The following UBAC2 variants were observed in gnomAD, a reference collection of about 807,000 sequenced individuals.
UBAC2 encodes ubiquitin-associated domain-containing protein 2.
UBAC2 carries 26 observed loss-of-function variants against 44.0 expected under a neutral mutation model. The ratio of observed to expected loss-of-function variants is 0.59; its 90% CI spans 0.43 to 0.82. The LOEUF is 0.82. UBAC2 is among the 40% of genes least tolerant of loss of function. UBAC2 has a pLI of 0.00. For synonymous variants in UBAC2, 155 were observed against 154.3 expected (o/e 1.00, Z -0.04); for missense variants, 329 against 419.4 (o/e 0.78, Z 1.88).
In UBAC2 at chr13:99,242,685, ACCC is replaced by A. The variant is rs58095792; in HGVS notation, c.160-1141_160-1139del. 1.5e-4 allele frequency among the ~76,000 whole-genome samples: 13 copies of A among 87,778 alleles called. 3 individuals are homozygous for A. Among genetic ancestry groups the A allele is most frequent in the East Asian group, 7.8e-4 (2 of 2,554 alleles). 57.6% of individuals were successfully genotyped at this position (87,778 alleles called of 152,430 possible). ...GGGCGGCTGGCCGGGCGGGGGGCTG[ACCC>A]CCCCCACCTCCCTCCCCGACGGGGC... is the stretch of plus-strand genomic sequence containing the variant. On this transcript the variant is annotated intron_variant, in intron 2 of 8. Coordinates refer to ENST00000403766, the MANE Select transcript of UBAC2 (RefSeq NM_001144072.2).
chr13:99,311,350 T>C (rs1197221887), intron 4 of UBAC2, among the ~76,000 whole-genome samples: 2 of 152,124 alleles, frequency 1.3e-5, no homozygotes, highest in Admixed American at 6.5e-5. Flanking sequence ...GAAGGTGCTG[T>C]CCTGCGGAGC....
At chr13:99,352,089 C>T in intron 7 of UBAC2, among the ~76,000 whole-genome samples, 1 of 152,130 alleles carries the variant, frequency 6.6e-6, no homozygotes, top group Non-Finnish European at 1.5e-5. Context: ...GGCAGATCTG[C>T]CCTGTCAATC....
chr13:99,256,000 T>A, intron 4 of UBAC2: 1 of 829,684 alleles, frequency 1.2e-6, no homozygotes, highest in Non-Finnish European at 1.9e-6. Context: ...CAGTGAATTT[T>A]AAGTTCGAGA....
chr13:99,326,478 T>A (rs962152392), intron 6 of UBAC2, among the ~76,000 whole-genome samples: 7 of 152,238 alleles, frequency 4.6e-5, no homozygotes, highest in African/African-American at 1.7e-4. Context: ...CCTAGCACAA[T>A]GTCTACTTGA....
chr13:99,263,179 G>T (rs907985838), intron 4 of UBAC2, among the ~76,000 whole-genome samples: 1 of 152,146 alleles, frequency 6.6e-6, no homozygotes, highest in Non-Finnish European at 1.5e-5. Context: ...CATCATAAAT[G>T]GTAATTTGAC....
intron 4 of UBAC2, among the ~76,000 whole-genome samples, chr13:99,269,032 A>G (rs2043783049): frequency 3.3e-5 from 5 of 152,178 alleles, no homozygotes; most frequent in Admixed American, 1.3e-4. Context: ...GCTACGGGAT[A>G]TAGCTTTGGG....
At chr13:99,342,933 T>TTA (rs2044914444) in intron 7 of UBAC2, among the ~76,000 whole-genome samples, 3 of 152,238 alleles carry the variant, frequency 2.0e-5, no homozygotes, top group African/African-American at 7.2e-5. Flanking sequence ...AGCCGTTTCT[T>TTA]TCAGCTGCCA....
intron 7 of UBAC2, among the ~76,000 whole-genome samples, chr13:99,359,657 G>A (rs1221354379): frequency 6.6e-6 from 1 of 152,244 alleles, no homozygotes. Context: ...GCTGTAAACA[G>A]TTTTGGCTTT....
intron 7 of UBAC2, among the ~76,000 whole-genome samples, chr13:99,364,154 T>C (rs1034366544): frequency 3.7e-5 from 5 of 135,018 alleles, no homozygotes; most frequent in African/African-American, 7.9e-5. Context: ...GGTTTGGTTT[T>C]TGTTCTCATT....
At position 99,385,241 on chromosome 13, in the gene UBAC2, T is replaced by C; in HGVS notation, c.941T>C (p.Met314Thr). Reference sequence around the variant, plus strand: ...CTCTGCCTGCAGGTCGCCCGGCTCATGGAGATGGGATTTTCCAGAGGTGAT... The same window carrying C: ...CTCTGCCTGCAGGTCGCCCGGCTCACGGAGATGGGATTTTCCAGAGGTGAT... ...EVSEEQVARL[M>T]EMGFSRGDAL... Residue 314 changes from methionine to threonine, a missense_variant, in exon 9 of 9, where the codon ATG (methionine) becomes ACG (threonine). Met to Thr is a moderately conservative substitution (Grantham distance 81, BLOSUM62 -1). Transcript: ENST00000403766. The C allele has an allele frequency of 6.2e-7, 1 of 1,614,098 alleles. No individual in the cohort carries two copies. The highest frequency in any genetic ancestry group is 1.1e-5 in the South Asian group (1 of 91,080).
At chr13:99,368,282 T>A (rs1333351069) in intron 8 of UBAC2, among the ~76,000 whole-genome samples, 1 of 152,212 alleles carries the variant, frequency 6.6e-6, no homozygotes, top group Admixed American at 6.5e-5. Context: ...TTGAGTCATG[T>A]TAATGTTTTA....
intron 1 of UBAC2, among the ~76,000 whole-genome samples, chr13:99,220,784 G>T (rs1299449497): frequency 6.6e-6 from 1 of 151,884 alleles, no homozygotes; most frequent in East Asian, 1.9e-4. Context: ...CTAGTGACTT[G>T]CCCCATCTCA....
Position 99,225,102 on chromosome 13 carries a change from T to C in UBAC2, c.32-13325T>C, listed in dbSNP as rs187946536. ...TGGCTGTGTAAATAGGGTCAGTTAT[T>C]AGTTCAGTAAATATTTGCTTATATT... On this transcript the variant is annotated intron_variant, in intron 1 of 8. Transcript: ENST00000403766. Among the ~76,000 whole-genome samples, 53 of 152,334 alleles carry C rather than the reference T, an allele frequency of 3.5e-4. No individual in the cohort carries two copies. In the East Asian group the frequency reaches 9.4e-3, roughly 27 times the overall value.
chr13:99,313,206 C>T (rs7358919), intron 4 of UBAC2: 1 of 151,870 alleles, frequency 6.6e-6, no homozygotes, highest in African/African-American at 2.4e-5. Context: ...GGATGGTCTC[C>T]ATCTCCTGAC....
rs1020362596 is a variant in UBAC2, at chr13:99,359,607, G to A, written c.808-8180G>A. 3.9e-5 allele frequency among the ~76,000 whole-genome samples: 6 copies of A among 152,266 alleles called. No homozygotes were observed. In the South Asian group the frequency reaches 6.2e-4, roughly 16 times the overall value. ...GGGCTGAGATACTGGTCCCCTCCCCGCTTGGGGGCAACTGGAAAGGGCCTG... is the reference window on the plus strand; with the variant it reads ...GGGCTGAGATACTGGTCCCCTCCCCACTTGGGGGCAACTGGAAAGGGCCTG... On this transcript the variant is annotated intron_variant, in intron 7 of 8. Transcript: ENST00000403766.
chr13:99,288,886 T>C (rs1213215757), intron 4 of UBAC2, among the ~76,000 whole-genome samples: 1 of 152,260 alleles, frequency 6.6e-6, no homozygotes, highest in Non-Finnish European at 1.5e-5. Flanking sequence ...TTTGGAGCAC[T>C]GTCTATGTTC....
intron 1 of UBAC2, among the ~76,000 whole-genome samples, chr13:99,222,384 A>G (rs1263821591): frequency 6.6e-6 from 1 of 152,246 alleles, no homozygotes; most frequent in Non-Finnish European, 1.5e-5. Flanking sequence ...TAGGCCCTGT[A>G]GTGGGAGTGG....
chr13:99,273,001 T>C (rs1442799230), intron 4 of UBAC2, among the ~76,000 whole-genome samples: 2 of 151,194 alleles, frequency 1.3e-5, no homozygotes, highest in Non-Finnish European at 2.9e-5. Flanking sequence ...AACAGGTTAC[T>C]CTTTTTTTTT....
chr13:99,354,466 C>G (rs1267275534), intron 7 of UBAC2, among the ~76,000 whole-genome samples: 1 of 152,218 alleles, frequency 6.6e-6, no homozygotes, highest in East Asian at 1.9e-4. Context: ...GTTTTATTCT[C>G]TGTTCACTTG....
Sources: allele counts gnomAD v4.1 joint callset (sites outside exome capture counted in the v4.1 genomes callset), GRCh38; gene constraint gnomAD v4.1.1; transcripts MANE v1.5; gene names NCBI Gene and HGNC (gene_info 2026-07-23, HGNC 2026-07-21).